Variants in PDK1 observed in about 807,000 individuals in gnomAD.
PDK1 encodes [Pyruvate dehydrogenase (acetyl-transferring)] kinase isozyme 1, mitochondrial.
A neutral mutation model predicts 54.2 loss-of-function variants in PDK1; 39 were observed. The ratio of observed to expected loss-of-function variants is 0.72; its 90% CI spans 0.56 to 0.94. The LOEUF (loss-of-function observed/expected upper bound fraction) is 0.94. PDK1 is among the 40% of genes least tolerant of loss of function. PDK1 has a pLI of 0.00. For missense variants in PDK1, 552 were observed against 566.0 expected (o/e 0.98, Z 0.25); for synonymous variants, 221 against 207.1 (o/e 1.07, Z -0.58).
chr2:172,699,002 C>T, the PDK1 span, among the ~76,000 whole-genome samples: 4 of 152,086 alleles, frequency 2.6e-5, no homozygotes, highest in African/African-American at 7.2e-5. Context: ...CTCCCCTATA[C>T]GTTTGGTATT....
At chr2:172,633,054 C>G in the PDK1 span, among the ~76,000 whole-genome samples, 2 of 146,222 alleles carry the variant, frequency 1.4e-5, no homozygotes, top group Admixed American at 6.9e-5. Flanking sequence ...ATATTTTTTC[C>G]TTTTTAGAGA....
the PDK1 span, among the ~76,000 whole-genome samples, chr2:172,653,465 T>C: frequency 2.0e-5 from 3 of 152,248 alleles, no homozygotes; most frequent in African/African-American, 7.2e-5. Context: ...CAGCCGGGCA[T>C]GGTCGTGGGC....
the PDK1 span, among the ~76,000 whole-genome samples, chr2:172,708,140 A>G: frequency 1.3e-5 from 2 of 152,102 alleles, no homozygotes; most frequent in Non-Finnish European, 2.9e-5. Context: ...TGTCTCTACA[A>G]AAAATTAGCT....
the PDK1 span, among the ~76,000 whole-genome samples, chr2:172,686,901 A>G: frequency 3.9e-5 from 6 of 152,364 alleles, no homozygotes; most frequent in Admixed American, 3.3e-4. Context: ...TTAGACAACT[A>G]AAATGAACTT....
At chr2:172,723,217 A>G in the PDK1 span, 1 of 152,210 alleles carries the variant, frequency 6.6e-6, no homozygotes, top group South Asian at 2.1e-4. Context: ...GAGTTTACTT[A>G]CAGTGGCTCT....
the PDK1 span, among the ~76,000 whole-genome samples, chr2:172,627,745 A>G: frequency 6.6e-6 from 1 of 152,216 alleles, no homozygotes; most frequent in East Asian, 1.9e-4. Flanking sequence ...GCAAGAGCCA[A>G]GGAAGCTAGA....
intron 3 of PDK1, 131 bp downstream of exon 3, chr2:172,562,422 C>A: frequency 3.0e-6 from 2 of 663,844 alleles, no homozygotes; most frequent in South Asian, 1.8e-5. Flanking sequence ...ACAGGCAGGA[C>A]AAATAACAAT....
At chr2:172,684,327 T>C in the PDK1 span, among the ~76,000 whole-genome samples, 1 of 151,910 alleles carries the variant, frequency 6.6e-6, no homozygotes, top group Admixed American at 6.6e-5. Flanking sequence ...GGCACTGAGG[T>C]GGGAGGATTG....
At chr2:172,711,532 G>A in the PDK1 span, among the ~76,000 whole-genome samples, 1 of 152,120 alleles carries the variant, frequency 6.6e-6, no homozygotes, top group South Asian at 2.1e-4. Context: ...TTGGATGCAG[G>A]CAAATTGTGC....
At chr2:172,618,459 C>T in the PDK1 span, among the ~76,000 whole-genome samples, 220 of 152,294 alleles carry the variant, frequency 1.4e-3, 1 homozygote, top group African/African-American at 5.1e-3. Flanking sequence ...TACTTTGCTT[C>T]ACTTTAATAA....
the PDK1 span, among the ~76,000 whole-genome samples, chr2:172,614,105 T>C: frequency 6.6e-6 from 1 of 151,904 alleles, no homozygotes; most frequent in Non-Finnish European, 1.5e-5. Context: ...GGTGCAGCCG[T>C]GACCGCCCTC....
chr2:172,607,644 T>C lies in PDK1; in HGVS notation c.*11675T>C, dbSNP rs1241924983. ...CGTGATGGTGAACCCAAAACAATGG[T>C]ACTAGGAAGGAGGTTGGCCAAACTC... On this transcript the variant is annotated 3_prime_UTR_variant, in exon 11 of 11. Coordinates refer to ENST00000282077, the MANE Select transcript of PDK1 (RefSeq NM_002610.5). 1.3e-5 allele frequency: 2 copies of C among 152,176 alleles called. No individual in the cohort carries two copies. Among genetic ancestry groups the C allele is most frequent in the Non-Finnish European group, 2.9e-5 (2 of 68,100 alleles). The allele number at this position is 152,176 out of a possible 1,614,324, so 9.4% of individuals were successfully genotyped here.
the PDK1 span, among the ~76,000 whole-genome samples, chr2:172,645,049 G>A: frequency 9.9e-5 from 15 of 152,086 alleles, no homozygotes; most frequent in Non-Finnish European, 1.9e-4. Context: ...CATACCATGG[G>A]AGACTCAATG....
In PDK1 at chr2:172,607,657, G is replaced by A. The variant is rs559366257; in HGVS notation, c.*11688G>A. The A allele has an allele frequency of 7.9e-5, 12 of 152,398 alleles. No homozygotes were observed. The East Asian group carries it at 2.3e-3, about 29-fold the overall frequency. 9.4% of individuals were successfully genotyped at this position (152,398 alleles called of 1,614,324 possible). A position where few individuals can be genotyped will look rare whatever the true frequency, so the allele number is the denominator to read the frequency against. ...CCAAAACAATGGTACTAGGAAGGAG[G>A]TTGGCCAAACTCAGAGTGGAGGCTG... is the stretch of plus-strand genomic sequence containing the variant. On this transcript the variant is annotated 3_prime_UTR_variant, in exon 11 of 11. Coordinates refer to ENST00000282077, the MANE Select transcript of PDK1 (RefSeq NM_002610.5).
chr2:172,682,809 T>G, the PDK1 span, among the ~76,000 whole-genome samples: 1 of 152,302 alleles, frequency 6.6e-6, no homozygotes, highest in Admixed American at 6.5e-5. Flanking sequence ...GCTGTTGTAA[T>G]AGTCTAGGTA....
intron 8 of PDK1, among the ~76,000 whole-genome samples, chr2:172,579,884 A>T (rs139113422): frequency 2.6e-5 from 4 of 151,876 alleles, no homozygotes; most frequent in African/African-American, 9.7e-5. Context: ...GTTGGGCTTC[A>T]TGACATCACT....
chr2:172,622,652 C>CATGTGAGATATGTTTATATCTCATATATT, the PDK1 span, among the ~76,000 whole-genome samples: 69 of 126,696 alleles, frequency 5.4e-4, no homozygotes, highest in East Asian at 3.2e-3. Flanking sequence ...GTTTATATCT[C>CATGTGAGATATGTTTATATCTCATATATT]ATGTGAGATA....
the PDK1 span, among the ~76,000 whole-genome samples, chr2:172,624,880 C>T: frequency 2.0e-4 from 31 of 151,876 alleles, no homozygotes; most frequent in African/African-American, 6.5e-4. Flanking sequence ...CCCAGCTACT[C>T]GGGAGGGTGA....
the PDK1 span, among the ~76,000 whole-genome samples, chr2:172,691,143 C>T: frequency 1.3e-5 from 2 of 150,268 alleles, no homozygotes; most frequent in African/African-American, 4.8e-5. Context: ...CACTTTTAGG[C>T]TCTCAGAAGT....
Sources: allele counts gnomAD v4.1 joint callset (sites outside exome capture counted in the v4.1 genomes callset), GRCh38; gene constraint gnomAD v4.1.1; transcripts MANE v1.5; gene names NCBI Gene and HGNC (gene_info 2026-07-23, HGNC 2026-07-21).